Variants in DGKI observed in about 807,000 individuals in gnomAD.
DGKI encodes the protein DAG kinase iota.
A neutral mutation model predicts 147.5 loss-of-function variants in DGKI; 55 were observed. The ratio of observed to expected loss-of-function variants is 0.37; its 90% CI spans 0.30 to 0.47. The LOEUF is 0.47. Ranked by LOEUF, DGKI falls within the 20% of genes least tolerant of loss-of-function variation. DGKI has a pLI of 1.00. For synonymous variants in DGKI, 469 were observed against 477.1 expected, an observed-to-expected ratio of 0.98 and a Z score of 0.22; for missense variants, 1,007 against 1,323.8, an observed-to-expected ratio of 0.76 and a Z score of 3.71.
chr7:137,402,169 T>G (rs1811784946), intron 30 of DGKI, among the ~76,000 whole-genome samples: 1 of 152,222 alleles, frequency 6.6e-6, no homozygotes, highest in Non-Finnish European at 1.5e-5. Context: ...CAGAAACTTT[T>G]TTTTCCTCAA....
At chr7:137,550,167 GTT>G (rs71533756) in intron 20 of DGKI, among the ~76,000 whole-genome samples, 4 of 138,020 alleles carry the variant, frequency 2.9e-5, no homozygotes, top group South Asian at 2.3e-4. Flanking sequence ...TGTTGTTTGA[GTT>G]TTTTTTTTTT....
At chr7:137,742,825 T>C (rs1585432835) in intron 1 of DGKI, among the ~76,000 whole-genome samples, 1 of 152,300 alleles carries the variant, frequency 6.6e-6, no homozygotes, top group Non-Finnish European at 1.5e-5. Flanking sequence ...ATGGAATTTA[T>C]TACAAAAGAT....
chr7:137,806,649 G>C (rs549956849), intron 1 of DGKI, among the ~76,000 whole-genome samples: 1 of 152,234 alleles, frequency 6.6e-6, no homozygotes, highest in South Asian at 2.1e-4. Flanking sequence ...TAGCCAGGAT[G>C]GTCTCGATCT....
At chr7:137,756,555 C>G (rs1011231141) in intron 1 of DGKI, among the ~76,000 whole-genome samples, 6 of 152,172 alleles carry the variant, frequency 3.9e-5, no homozygotes, top group Non-Finnish European at 8.8e-5. Context: ...TTGAACTCCT[C>G]CAGCCTGGGG....
At chr7:137,618,467 C>G (rs973996463) in intron 8 of DGKI, among the ~76,000 whole-genome samples, 8 of 149,690 alleles carry the variant, frequency 5.3e-5, no homozygotes, top group Non-Finnish European at 8.8e-5. Flanking sequence ...CTTCATGAAG[C>G]CCTCCCCCCC....
chr7:137,730,243 A>G (rs1794835642), intron 1 of DGKI, among the ~76,000 whole-genome samples: 1 of 152,082 alleles, frequency 6.6e-6, no homozygotes, highest in Non-Finnish European at 1.5e-5. Context: ...CAACCAGATC[A>G]CAGTCTGTCT....
At chr7:137,601,647 C>A (rs73455305) in intron 10 of DGKI, among the ~76,000 whole-genome samples, 1 of 152,170 alleles carries the variant, frequency 6.6e-6, no homozygotes, top group Non-Finnish European at 1.5e-5. Flanking sequence ...TTAAGTGAAT[C>A]ACTAACAGTC....
chr7:137,566,692 G>A (rs1232767196), intron 19 of DGKI, among the ~76,000 whole-genome samples: 5 of 152,020 alleles, frequency 3.3e-5, no homozygotes, highest in Non-Finnish European at 5.9e-5. Flanking sequence ...TACCATCTGC[G>A]ATTATTTCTC....
At chr7:137,839,278 A>AAAGTACAT (rs1443305017) in intron 1 of DGKI, among the ~76,000 whole-genome samples, 1 of 152,256 alleles carries the variant, frequency 6.6e-6, no homozygotes, top group Non-Finnish European at 1.5e-5. Flanking sequence ...TATGAAAGAA[A>AAAGTACAT]AAGTACATAT....
chr7:137,433,753 A>G (rs1263942336), intron 28 of DGKI, among the ~76,000 whole-genome samples: 1 of 152,222 alleles, frequency 6.6e-6, no homozygotes, highest in Non-Finnish European at 1.5e-5. Flanking sequence ...TGGAAATGAA[A>G]TCTATGATCT....
chr7:137,421,630 G>A (rs376047807), intron 28 of DGKI, among the ~76,000 whole-genome samples: 28 of 152,314 alleles, frequency 1.8e-4, no homozygotes, highest in African/African-American at 5.3e-4. Context: ...ACAGGGACCA[G>A]ATGTCTCTCC....
At chr7:137,533,485 T>C (rs1256258665) in intron 20 of DGKI, among the ~76,000 whole-genome samples, 1 of 152,140 alleles carries the variant, frequency 6.6e-6, no homozygotes, top group Non-Finnish European at 1.5e-5. Context: ...TTTCTTTCTC[T>C]CCTTTCACTT....
At chr7:137,463,742 A>T in intron 26 of DGKI, 131 bp from the exon 27 acceptor site, 1 of 941,888 alleles carries the variant, frequency 1.1e-6, no homozygotes, top group Non-Finnish European at 1.6e-6. Context: ...TGTTTACCAG[A>T]TACTACCCAT....
At chr7:137,688,577 C>T (rs1243946698) in intron 2 of DGKI, among the ~76,000 whole-genome samples, 1 of 152,184 alleles carries the variant, frequency 6.6e-6, no homozygotes, top group East Asian at 1.9e-4. Flanking sequence ...TCAAAGAAGG[C>T]CCTGCTGCTG....
intron 1 of DGKI, among the ~76,000 whole-genome samples, chr7:137,727,915 T>C (rs1001380424): frequency 3.3e-5 from 5 of 152,170 alleles, no homozygotes; most frequent in Middle Eastern, 3.4e-3. Context: ...CGGAGCAGAA[T>C]TAAAAACAAA....
At chr7:137,597,818 G>A (rs1384249154) in intron 12 of DGKI, 29 bp downstream of exon 12, 3 of 1,607,034 alleles carry the variant, frequency 1.9e-6, no homozygotes, top group South Asian at 1.1e-5. Flanking sequence ...AGAATTGGCA[G>A]AGAACTGGAT....
At chr7:137,741,447 C>T (rs1795170789) in intron 1 of DGKI, among the ~76,000 whole-genome samples, 1 of 152,210 alleles carries the variant, frequency 6.6e-6, no homozygotes, top group Non-Finnish European at 1.5e-5. Flanking sequence ...ATTAATCCCA[C>T]AAGGTTCCTT....
At chr7:137,525,718 C>G (rs1817121433) in intron 20 of DGKI, among the ~76,000 whole-genome samples, 1 of 152,168 alleles carries the variant, frequency 6.6e-6, no homozygotes, top group Non-Finnish European at 1.5e-5. Context: ...ATTGTCAGTG[C>G]TCAATAGATT....
chr7:137,651,911 A>G (rs1822040778), intron 5 of DGKI, among the ~76,000 whole-genome samples: 1 of 152,262 alleles, frequency 6.6e-6, no homozygotes, highest in Admixed American at 6.5e-5. Context: ...TAATACATTT[A>G]GCATATAGGA....
Sources: allele counts gnomAD v4.1 joint callset (sites outside exome capture counted in the v4.1 genomes callset), GRCh38; gene constraint gnomAD v4.1.1; transcripts MANE v1.5; gene names NCBI Gene and HGNC (gene_info 2026-07-23, HGNC 2026-07-21).